The following SECISBP2 variants were observed in gnomAD, a reference collection of about 807,000 sequenced individuals.
SECISBP2 encodes SECIS binding protein 2.
SECISBP2 carries 96 observed loss-of-function variants against 98.2 expected under a neutral mutation model. That is an observed-to-expected ratio of 0.98 (90% CI 0.83 to 1.16). SECISBP2 has a LOEUF of 1.16. SECISBP2 is among the 50% of genes most tolerant of loss of function. The probability of loss-of-function intolerance (pLI) is 0.00; values close to 1 mark genes in which losing one functional copy is unlikely to be tolerated. For missense variants in SECISBP2, 1,046 were observed against 1,022.9 expected, an observed-to-expected ratio of 1.02 and a Z score of -0.31; for synonymous variants, 407 against 370.2, an observed-to-expected ratio of 1.10 and a Z score of -1.14.
At chr9:89,328,171 A>G (rs369599584) in intron 4 of SECISBP2, among the ~76,000 whole-genome samples, 4 of 152,204 alleles carry the variant, frequency 2.6e-5, no homozygotes, top group Non-Finnish European at 5.9e-5. Flanking sequence ...AACAAGTGAC[A>G]TAGTTGTTTA....
rs763826946 is a variant in SECISBP2 at position 89,325,926 on chromosome 9, T to C, written c.462T>C (p.Tyr154=). The C allele has an allele frequency of 8.1e-6, 13 of 1,614,100 alleles. No homozygotes were observed. Among genetic ancestry groups the C allele is most frequent in the Middle Eastern group, 1.6e-4 (1 of 6,062 alleles). ...KKKTYDEKKT[Y]DQQKFDSERA... ...AAACCTATGATGAGAAAAAAACGTA[T>C]GATCAGCAAAAGTTTGACAGTGAAA... The change falls in exon 4 of 17, where the codon TAT becomes TAC. Residue 154 remains tyrosine, a synonymous_variant. Coordinates refer to ENST00000375807, the MANE Select transcript of SECISBP2 (RefSeq NM_024077.5).
intron 5 of SECISBP2, chr9:89,329,922 A>G (rs780513264): frequency 6.6e-5 from 10 of 152,226 alleles, no homozygotes; most frequent in Non-Finnish European, 1.5e-4. Context: ...GACTTTTATA[A>G]AAATTGAAAT....
chr9:89,322,035 C>T (rs1825903396), intron 2 of SECISBP2, among the ~76,000 whole-genome samples: 1 of 152,216 alleles, frequency 6.6e-6, no homozygotes, highest in Non-Finnish European at 1.5e-5. Flanking sequence ...CCTCATCTTT[C>T]CTTAAAGAAG....
At chr9:89,338,858 T>C (rs956015852) in intron 8 of SECISBP2, among the ~76,000 whole-genome samples, 1 of 152,004 alleles carries the variant, frequency 6.6e-6, no homozygotes, top group Non-Finnish European at 1.5e-5. Flanking sequence ...ATATTACTAA[T>C]ATTTCCCCTC....
intron 10 of SECISBP2, among the ~76,000 whole-genome samples, chr9:89,346,471 G>C (rs1184628553): frequency 6.6e-6 from 1 of 152,134 alleles, no homozygotes; most frequent in Non-Finnish European, 1.5e-5. Context: ...TTCCACAAAG[G>C]CAGTGTCAAC....
At chr9:89,338,423 A>G (rs1191440873) in intron 7 of SECISBP2, 35 bp from the exon 8 acceptor site, 23 of 1,612,112 alleles carry the variant, frequency 1.4e-5, no homozygotes, top group Non-Finnish European at 1.9e-5. Flanking sequence ...GACCGCCCTA[A>G]AAACAGGATT....
intron 2 of SECISBP2, chr9:89,322,287 A>G (rs990068874): frequency 6.6e-6 from 1 of 152,282 alleles, no homozygotes; most frequent in African/African-American, 2.4e-5. Flanking sequence ...TACTGATGTA[A>G]TGAACAAATT....
intron 16 of SECISBP2, 106 bp downstream of exon 16, chr9:89,358,297 A>T: frequency 8.5e-7 from 1 of 1,171,896 alleles, no homozygotes; most frequent in Admixed American, 2.0e-5. Flanking sequence ...AGACCAGCTG[A>T]GTAGCAGGGC....
At chr9:89,357,232 C>T in intron 14 of SECISBP2, 179 bp from the exon 15 acceptor site, 1 of 681,586 alleles carries the variant, frequency 1.5e-6, no homozygotes, top group Non-Finnish European at 2.6e-6. Context: ...TCCATTTTTC[C>T]CCATATTTTT....
At chr9:89,361,317 C>T (rs1415151638), downstream of SECISBP2, 1 of 152,154 alleles carries the variant, frequency 6.6e-6, no homozygotes, top group South Asian at 2.1e-4. Context: ...TTGTCCAGCT[C>T]CAGAAAGAGG....
At chr9:89,334,388 A>G (rs1296084472) in intron 6 of SECISBP2, 134 bp from the exon 7 acceptor site, 3 of 884,546 alleles carry the variant, frequency 3.4e-6, no homozygotes, top group East Asian at 2.6e-5. Context: ...ATAGTTTCCA[A>G]GAGGATGTTT....
chr9:89,349,617 T>C (rs1197438510), intron 12 of SECISBP2, among the ~76,000 whole-genome samples, 159 bp from the exon 13 acceptor site: 1 of 152,266 alleles, frequency 6.6e-6, no homozygotes, highest in African/African-American at 2.4e-5. Flanking sequence ...CATCCTCGTC[T>C]GTTTTTTCTG....
Position 89,350,730 on chromosome 9 carries a change from C to T in SECISBP2, c.1991C>T (p.Pro664Leu). 2 of 1,614,224 alleles carry T rather than the reference C, an allele frequency of 1.2e-6. No homozygotes were observed. Among genetic ancestry groups the T allele is most frequent in the South Asian group, 1.1e-5 (1 of 91,084 alleles). Residue 664 changes from proline to leucine, a missense_variant, in exon 14 of 17, where the codon CCA becomes CTA. By Grantham distance (98) the Pro-to-Leu change is moderately conservative (BLOSUM62 -3). Transcript: ENST00000375807. Reference sequence around the variant, plus strand: ...CAAGACCGTATGTACCAGAAAGATCCAGTCAAGGCCAAGACTAAACGTCGA... The same window carrying T: ...CAAGACCGTATGTACCAGAAAGATCTAGTCAAGGCCAAGACTAAACGTCGA... ...RFQDRMYQKDPVKAKTKRRLV... is the reference protein window; with the variant it reads ...RFQDRMYQKDLVKAKTKRRLV...
intron 6 of SECISBP2, 72 bp downstream of exon 6, chr9:89,333,058 C>A: frequency 1.6e-6 from 2 of 1,269,706 alleles, no homozygotes; most frequent in Non-Finnish European, 1.1e-6. Flanking sequence ...AACTCCAGTG[C>A]AGTTGAAATG....
rs201187339 is a variant in SECISBP2, at chr9:89,334,734, C to T, written c.1089+4C>T. On this transcript the variant is annotated splice_donor_region_variant and intron_variant, in intron 7 of 16. Transcript: ENST00000375807. ...CATTATTCATCCTACCCAAAAGGTA[C>T]GTGTCACTAGAGACAGAAAGTAGGA... 6.2e-6 allele frequency: 10 copies of T among 1,607,308 alleles called. No individual in the cohort carries two copies. Among genetic ancestry groups the T allele is most frequent in the East Asian group, 4.5e-5 (2 of 44,826 alleles).
intron 6 of SECISBP2, chr9:89,333,982 C>T: frequency 2.0e-6 from 2 of 1,014,618 alleles, no homozygotes; most frequent in Non-Finnish European, 2.4e-6. Flanking sequence ...AGGTGTTCAC[C>T]TGCCTGTGTC....
chr9:89,349,940 C>T lies in SECISBP2; in HGVS notation c.1892+11C>T. The T allele has an allele frequency of 6.2e-7, 1 of 1,614,200 alleles. No individual in the cohort carries two copies. Among genetic ancestry groups the T allele is most frequent in the Non-Finnish European group, 8.5e-7 (1 of 1,180,030 alleles). On this transcript the variant is annotated intron_variant, in intron 13 of 16. Coordinates refer to ENST00000375807, the MANE Select transcript of SECISBP2 (RefSeq NM_024077.5). ...CCGCAGATTCAGGGAGTGAGTGAGC[C>T]CCTGCCTGCCAGGGACTAGGGGAAG...
At chr9:89,357,959 T>C (rs200585600) in intron 15 of SECISBP2, 40 bp from the exon 16 acceptor site, 1 of 1,608,344 alleles carries the variant, frequency 6.2e-7, no homozygotes, top group African/African-American at 1.3e-5. Context: ...GTGTCCTCTG[T>C]AGCTGGGATG....
Position 89,338,544 on chromosome 9 carries a change from T to C in SECISBP2, c.1176T>C (p.Tyr392=), listed in dbSNP as rs1454040458. 2 of 1,612,964 alleles carry C rather than the reference T, an allele frequency of 1.2e-6. No homozygotes were observed. The highest frequency in any genetic ancestry group is 1.1e-5 in the South Asian group (1 of 90,892). ...KKKKEKSTSK[Y]EVLTVQEPPR... is the part of the protein sequence containing the mutation. ...AGAAAGAAAAATCTACATCAAAATA[T>C]GAAGTCCTGACAGTTCAAGAGCCTC... Residue 392 remains tyrosine (Y), a synonymous_variant, in exon 8 of 17, where the codon TAT becomes TAC. Transcript: ENST00000375807.
Sources: gnomAD v4.1 joint callset for allele counts (sites outside exome capture counted in the v4.1 genomes callset) on GRCh38, gnomAD v4.1.1 for gene constraint, MANE v1.5 for transcripts, NCBI Gene and HGNC (gene_info 2026-07-23, HGNC 2026-07-21) for gene names.